PRDM2: variants seen among roughly 807,000 people sequenced by gnomAD.
PRDM2 encodes the protein PR domain zinc finger protein 2.
PRDM2 carries 30 observed loss-of-function variants against 130.0 expected under a neutral mutation model. The observed-to-expected ratio is 0.23, with a 90% CI of 0.17 to 0.31. The LOEUF is 0.31. Ranked by LOEUF, PRDM2 falls within the 10% of genes least tolerant of loss-of-function variation. PRDM2 has a pLI of 1.00. For missense variants in PRDM2, 2,011 were observed against 2,108.4 expected, an observed-to-expected ratio of 0.95 and a Z score of 0.90; for synonymous variants, 871 against 782.4, an observed-to-expected ratio of 1.11 and a Z score of -1.89.
At chr1:13,775,861 C>T (rs997442835) in intron 7 of PRDM2, among the ~76,000 whole-genome samples, 3 of 152,158 alleles carry the variant, frequency 2.0e-5, no homozygotes, top group Admixed American at 6.5e-5. Flanking sequence ...GATGACCTTC[C>T]CCCATCCCTT....
intron 8 of PRDM2, among the ~76,000 whole-genome samples, chr1:13,809,536 C>A (rs1363385139): frequency 6.6e-6 from 1 of 151,976 alleles, no homozygotes; most frequent in Non-Finnish European, 1.5e-5. Flanking sequence ...GAGGTGGGGT[C>A]ATAATTTAAG....
chr1:13,774,168 A>C (rs1361757855), intron 7 of PRDM2, among the ~76,000 whole-genome samples: 5 of 152,238 alleles, frequency 3.3e-5, no homozygotes, highest in African/African-American at 1.2e-4. Context: ...CATGGATTGA[A>C]AGTTAATCAG....
At chr1:13,787,098 C>T (rs1644757193) in intron 8 of PRDM2, 6 of 985,218 alleles carry the variant, frequency 6.1e-6, no homozygotes, top group African/African-American at 1.7e-5. Context: ...AGATTGCCAG[C>T]GTAATGGAGA....
intron 9 of PRDM2, among the ~76,000 whole-genome samples, chr1:13,821,763 A>C (rs971966351): frequency 6.6e-6 from 1 of 152,118 alleles, no homozygotes; most frequent in Admixed American, 6.5e-5. Context: ...CACCGCGCCC[A>C]GCCTGCAGTG....
chr1:13,744,566 C>T (rs941788667), intron 5 of PRDM2, among the ~76,000 whole-genome samples: 20 of 152,018 alleles, frequency 1.3e-4, no homozygotes, highest in African/African-American at 4.8e-4. Context: ...CTCTCTGTGT[C>T]TTAGTTTTCT....
At chr1:13,758,353 A>G (rs926569094) in intron 6 of PRDM2, among the ~76,000 whole-genome samples, 2 of 151,702 alleles carry the variant, frequency 1.3e-5, no homozygotes, top group Non-Finnish European at 2.9e-5. Flanking sequence ...AGGCTGAGGC[A>G]CAAGAATCGC....
rs752389714 is a variant in PRDM2, at chr1:13,816,557, C to T, written c.*10C>T. On this transcript the variant is annotated 3_prime_UTR_variant, in exon 9 of 10. Transcript: ENST00000311066. ...ATTCTTCAAAGAGTAGACACTCTGG[C>T]TGCTCCCTGACAGGTACGAGGCAGG... 6.2e-7 allele frequency: 1 copy of T among 1,614,126 alleles called. No homozygotes were observed. The highest frequency in any genetic ancestry group is 1.7e-5 in the Admixed American group (1 of 60,030).
intron 4 of PRDM2, among the ~76,000 whole-genome samples, chr1:13,733,232 G>T (rs1425148582): frequency 1.3e-5 from 2 of 152,216 alleles, no homozygotes; most frequent in African/African-American, 4.8e-5. Context: ...TATGGTGGCT[G>T]CAAAGAAAGC....
At chr1:13,805,828 C>T (rs558826775) in intron 8 of PRDM2, among the ~76,000 whole-genome samples, 1 of 152,286 alleles carries the variant, frequency 6.6e-6, no homozygotes, top group South Asian at 2.1e-4. Flanking sequence ...AGATCCCAGC[C>T]CAGGATGCCC....
chr1:13,805,449 G>A (rs1047606560), intron 8 of PRDM2, among the ~76,000 whole-genome samples: 3 of 152,106 alleles, frequency 2.0e-5, no homozygotes, highest in Non-Finnish European at 2.9e-5. Context: ...CCTGAAGCAC[G>A]TGGGCCTTCC....
chr1:13,822,927 G>T (rs539196315), intron 9 of PRDM2, among the ~76,000 whole-genome samples: 1 of 152,130 alleles, frequency 6.6e-6, no homozygotes, highest in African/African-American at 2.4e-5. Flanking sequence ...CCTTAAAGGG[G>T]TCACGGGTCA....
intron 2 of PRDM2, among the ~76,000 whole-genome samples, chr1:13,727,868 T>C (rs1014559259): frequency 8.5e-5 from 13 of 152,246 alleles, no homozygotes; most frequent in African/African-American, 2.9e-4. Context: ...TGTTTAGATA[T>C]GATATTACAT....
At chr1:13,748,498 A>G (rs1377088798) in intron 5 of PRDM2, among the ~76,000 whole-genome samples, 3 of 152,182 alleles carry the variant, frequency 2.0e-5, no homozygotes, top group Non-Finnish European at 4.4e-5. Flanking sequence ...AGTGGGTTTT[A>G]GATAGAATTT....
At chr1:13,767,307 G>C (rs190002684) in intron 6 of PRDM2, among the ~76,000 whole-genome samples, 2 of 150,502 alleles carry the variant, frequency 1.3e-5, no homozygotes, top group East Asian at 1.9e-4. Context: ...TTAAGTCTTT[G>C]TTTTGTTTTT....
intron 8 of PRDM2, among the ~76,000 whole-genome samples, chr1:13,786,271 TAA>T (rs3841673): frequency 1.3e-5 from 2 of 150,478 alleles, no homozygotes; most frequent in African/African-American, 4.9e-5. Context: ...GGAATTGATT[TAA>T]AAAAAAAAGT....
At chr1:13,819,778 TGGCGGGGGCCTGGG>T (rs1430859048) in intron 9 of PRDM2, among the ~76,000 whole-genome samples, 3 of 152,190 alleles carry the variant, frequency 2.0e-5, no homozygotes, top group African/African-American at 7.2e-5. Flanking sequence ...TGTCCTCACG[TGGCGGGGGCCTGGG>T]GGAGAGCAAG....
intron 8 of PRDM2, chr1:13,787,746 G>A (rs1321033339): frequency 1.0e-6 from 1 of 984,096 alleles, no homozygotes; most frequent in Non-Finnish European, 1.2e-6. Context: ...GAGTGCTCCT[G>A]TATTGAACTT....
At position 13,723,697 on chromosome 1, in the gene PRDM2, C is replaced by T. The variant is rs568944945; in HGVS notation, c.10-7303C>T. On this transcript the variant is annotated intron_variant, in intron 2 of 9. Coordinates refer to ENST00000311066, the MANE Select transcript of PRDM2 (RefSeq NM_001393986.1). ...AAGGGCATTCTGAGGGCTTTGTTTT[C>T]GGCTGTTCTCTCCTCTGCTTTCCAT... is the stretch of plus-strand genomic sequence containing the variant. 1.0e-3 allele frequency among the ~76,000 whole-genome samples: 156 copies of T among 152,300 alleles called. 1 individual carries two copies. The highest frequency in any genetic ancestry group is 3.5e-3 in the African/African-American group (147 of 41,570).
chr1:13,784,593 C>T (rs978817726), intron 8 of PRDM2, among the ~76,000 whole-genome samples: 3 of 152,176 alleles, frequency 2.0e-5, no homozygotes, highest in African/African-American at 4.8e-5. Flanking sequence ...ATAGCCTCTA[C>T]CCAGTGTCTT....
Sources: allele counts gnomAD v4.1 joint callset (sites outside exome capture counted in the v4.1 genomes callset), GRCh38; gene constraint gnomAD v4.1.1; transcripts MANE v1.5; gene names NCBI Gene and HGNC (gene_info 2026-07-23, HGNC 2026-07-21).